KTN1: variants seen among roughly 807,000 people sequenced by gnomAD.
KTN1 encodes the protein kinectin 1.
Under a neutral mutation model 222.5 loss-of-function variants are expected in KTN1, and 130 were observed. That is an observed-to-expected ratio of 0.58 (90% CI 0.51 to 0.68). KTN1 has a LOEUF of 0.68. Among genes scored for constraint, KTN1 ranks in the 30% least tolerant of loss-of-function variants. The pLI is 0.00. For missense variants in KTN1, 1,508 were observed against 1,500.4 expected, an observed-to-expected ratio of 1.01 and a Z score of -0.08; for synonymous variants, 512 against 496.3, an observed-to-expected ratio of 1.03 and a Z score of -0.42.
chr14:55,659,316 T>G (rs1174660201), intron 30 of KTN1, among the ~76,000 whole-genome samples: 2 of 151,848 alleles, frequency 1.3e-5, no homozygotes, highest in Non-Finnish European at 2.9e-5. Context: ...TGTTTTTTTT[T>G]TTTTTTTTTA....
chr14:55,600,937 G>A (rs1359354825), intron 1 of KTN1, among the ~76,000 whole-genome samples: 2 of 151,790 alleles, frequency 1.3e-5, no homozygotes, highest in African/African-American at 4.8e-5. Flanking sequence ...GTTTTTAAAT[G>A]AGCAGTGCCT....
intron 1 of KTN1, among the ~76,000 whole-genome samples, chr14:55,596,448 G>T (rs1289355577): frequency 1.3e-5 from 2 of 152,180 alleles, no homozygotes; most frequent in African/African-American, 2.4e-5. Context: ...TTGCATGGCT[G>T]TTGAGGTGAT....
At chr14:55,660,275 G>T (rs953900252) in intron 31 of KTN1, among the ~76,000 whole-genome samples, 2 of 151,920 alleles carry the variant, frequency 1.3e-5, no homozygotes, top group African/African-American at 4.8e-5. Context: ...CTACTCGGGA[G>T]GCTGAAGTGG....
chr14:55,674,866 C>T (rs2045762000), intron 40 of KTN1: 1 of 151,992 alleles, frequency 6.6e-6, no homozygotes, highest in Non-Finnish European at 1.5e-5. Context: ...GATAAAATAG[C>T]TTTGTTTGCC....
At position 55,650,650 on chromosome 14, in the gene KTN1, GAGCCAT is replaced by G. The variant is rs2042845033; in HGVS notation, c.2565+17_2565+22del. 6.3e-7 allele frequency: 1 copy of G among 1,577,680 alleles called. No homozygotes were observed. The highest frequency in any genetic ancestry group is 8.7e-7 in the Non-Finnish European group (1 of 1,148,278). ...AAAGGCTCAACAGGTAAAAATCCCAGAGCCATAGCATGACAGATTTATTAGTTGTGT... is the reference window on the plus strand; with the variant it reads ...AAAGGCTCAACAGGTAAAAATCCCAGAGCATGACAGATTTATTAGTTGTGT... On this transcript the variant is annotated intron_variant, in intron 24 of 43. Transcript: ENST00000395314.
At chr14:55,613,043 T>C (rs2037822166) in intron 2 of KTN1, among the ~76,000 whole-genome samples, 1 of 152,238 alleles carries the variant, frequency 6.6e-6, no homozygotes. Context: ...TAAAATCAGA[T>C]ATCATTTCTC....
At chr14:55,591,227 ATTATCAGGTATACTATTCCATGCTG>A (rs1313568618) in intron 1 of KTN1, among the ~76,000 whole-genome samples, 1 of 152,122 alleles carries the variant, frequency 6.6e-6, no homozygotes, top group African/African-American at 2.4e-5. Context: ...GACTCAGTAT[ATTATCAGGTATACTATTCCATGCTG>A]TTCTGTTTCA....
chr14:55,617,879 G>C, intron 3 of KTN1, 85 bp from the exon 4 acceptor site: 4 of 1,002,116 alleles, frequency 4.0e-6, no homozygotes, highest in East Asian at 2.6e-5. Context: ...CAAAAGAACT[G>C]CATTTATCAT....
intron 33 of KTN1, 88 bp from the exon 34 acceptor site, chr14:55,667,153 A>G: frequency 3.6e-6 from 3 of 832,090 alleles, no homozygotes; most frequent in Non-Finnish European, 5.7e-6. Flanking sequence ...TTCCCGTAGA[A>G]TTATAAAACA....
intron 41 of KTN1, among the ~76,000 whole-genome samples, chr14:55,676,129 C>G (rs1320844421): frequency 1.3e-5 from 2 of 152,134 alleles, no homozygotes; most frequent in African/African-American, 2.4e-5. Context: ...ATTATTTCCT[C>G]ACATTTCTAT....
At chr14:55,592,279 A>C (rs908813785) in intron 1 of KTN1, among the ~76,000 whole-genome samples, 1 of 151,932 alleles carries the variant, frequency 6.6e-6, no homozygotes, top group African/African-American at 2.4e-5. Context: ...CTTCCCCTTT[A>C]TGCTGTTTTC....
At chr14:55,666,472 G>A (rs553103994) in intron 33 of KTN1, among the ~76,000 whole-genome samples, 2 of 150,878 alleles carry the variant, frequency 1.3e-5, no homozygotes, top group East Asian at 1.9e-4. Flanking sequence ...TTTGTTTTTG[G>A]TGCGTGATAA....
intron 5 of KTN1, among the ~76,000 whole-genome samples, chr14:55,623,562 G>A (rs2140827226): frequency 6.6e-6 from 1 of 152,240 alleles, no homozygotes; most frequent in East Asian, 1.9e-4. Context: ...GTAGAGATGG[G>A]GTTTCACTGT....
chr14:55,618,226 A>G (rs1414712600), intron 4 of KTN1, 92 bp downstream of exon 4: 12 of 928,450 alleles, frequency 1.3e-5, no homozygotes, highest in East Asian at 5.5e-5. Flanking sequence ...CATAGAAACA[A>G]TGCATTTCAA....
chr14:55,660,890 T>G (rs970951657), intron 31 of KTN1, among the ~76,000 whole-genome samples: 3 of 152,204 alleles, frequency 2.0e-5, no homozygotes, highest in Non-Finnish European at 4.4e-5. Flanking sequence ...TTTGCCAGCC[T>G]CTTATATGGA....
chr14:55,625,985 AATTTCTTTGGC>A (rs1193147531), intron 5 of KTN1, among the ~76,000 whole-genome samples: 6 of 152,032 alleles, frequency 3.9e-5, no homozygotes, highest in African/African-American at 1.4e-4. Context: ...CAAGGGATTC[AATTTCTTTGGC>A]ATTCAGTAAT....
In KTN1 at chr14:55,671,542, TTTTC is replaced by T. The variant is rs1342542087; in HGVS notation, c.3349-20_3349-17del. The T allele has an allele frequency of 3.2e-6, 5 of 1,568,508 alleles. No homozygotes were observed. The highest frequency in any genetic ancestry group is 4.3e-6 in the Non-Finnish European group (5 of 1,151,254). On this transcript the variant is annotated intron_variant, in intron 35 of 43. Transcript: ENST00000395314. ...AAACTTTCTGGTAGAATTATGGAGT[TTTTC>T]TTTATTTCGTTCTTTGCAGGTTCTA...
At chr14:55,583,461 A>G (rs960111666) in intron 1 of KTN1, among the ~76,000 whole-genome samples, 48 of 152,236 alleles carry the variant, frequency 3.2e-4, no homozygotes, top group Admixed American at 2.9e-3. Context: ...CGTCCTAGCT[A>G]CTACAGGGAG....
chr14:55,601,257 T>C (rs2035929887), intron 1 of KTN1, among the ~76,000 whole-genome samples: 1 of 152,234 alleles, frequency 6.6e-6, no homozygotes, highest in Admixed American at 6.5e-5. Context: ...TAATAAGATG[T>C]GAGTCATAGA....
Sources: allele counts gnomAD v4.1 joint callset (sites outside exome capture counted in the v4.1 genomes callset), GRCh38; gene constraint gnomAD v4.1.1; transcripts MANE v1.5; gene names NCBI Gene and HGNC (gene_info 2026-07-23, HGNC 2026-07-21).